The following DENND1B variants were observed in gnomAD, a reference collection of about 807,000 sequenced individuals.
The protein encoded by DENND1B is DENN domain-containing protein 1B.
In DENND1B, 59 loss-of-function variants were observed where a neutral mutation model predicts 90.1. The observed-to-expected ratio is 0.65, with a 90% confidence interval of 0.53 to 0.81. The LOEUF (loss-of-function observed/expected upper bound fraction) is 0.81, where lower values mean the gene tolerates loss of function less well. Among genes scored for constraint, DENND1B ranks in the 40% least tolerant of loss-of-function variants. DENND1B has a pLI of 0.00. For missense variants in DENND1B, 862 were observed against 912.6 expected, an observed-to-expected ratio of 0.94 and a Z score of 0.71; for synonymous variants, 337 against 324.6, an observed-to-expected ratio of 1.04 and a Z score of -0.41.
intron 20 of DENND1B, among the ~76,000 whole-genome samples, chr1:197,528,585 G>A (rs1410291979): frequency 2.0e-5 from 3 of 152,162 alleles, no homozygotes; most frequent in Admixed American, 2.0e-4. Context: ...TTATGGCCGG[G>A]CGCGGTGACT....
chr1:197,776,225 C>T (rs1657261612), upstream of DENND1B, among the ~76,000 whole-genome samples: 1 of 152,226 alleles, frequency 6.6e-6, no homozygotes, highest in Non-Finnish European at 1.5e-5. Flanking sequence ...TGTGCACTCT[C>T]ACCCAGTACT....
chr1:197,519,726 GGTTA>G (rs1252475034), intron 20 of DENND1B, among the ~76,000 whole-genome samples: 2 of 151,896 alleles, frequency 1.3e-5, no homozygotes, highest in Admixed American at 6.6e-5. Context: ...AAAGTTAGTA[GGTTA>G]GTTAGATGAT....
intron 10 of DENND1B, among the ~76,000 whole-genome samples, chr1:197,626,594 C>A (rs555224695): frequency 5.1e-4 from 77 of 152,154 alleles, no homozygotes; most frequent in African/African-American, 1.6e-3. Flanking sequence ...AAAATTGACA[C>A]CCTAACATCA....
In DENND1B at chr1:197,547,449, A is replaced by G. The variant is rs534356459; in HGVS notation, c.1241-676T>C. On this transcript the variant is annotated intron_variant, in intron 16 of 22. Transcript: ENST00000620048. Reference sequence around the variant, plus strand: ...ATTTCTTTCTAGCTGTTATCTTTGCATCCCTAATCAACATCAGGCAAGAAG... The same window carrying G: ...ATTTCTTTCTAGCTGTTATCTTTGCGTCCCTAATCAACATCAGGCAAGAAG... 4.4e-4 allele frequency among the ~76,000 whole-genome samples: 67 copies of G among 152,310 alleles called. 2 individuals are homozygous for G. Among genetic ancestry groups the G allele is most frequent in the Admixed American group, 4.3e-3 (66 of 15,296 alleles).
intron 15 of DENND1B, among the ~76,000 whole-genome samples, chr1:197,579,662 A>G (rs1674019664): frequency 6.6e-6 from 1 of 152,156 alleles, no homozygotes; most frequent in South Asian, 2.1e-4. Context: ...ATTTAAGGAC[A>G]TTCTTAGTCT....
Position 197,772,964 on chromosome 1 carries a change from T to A in DENND1B, c.18-32A>T, listed in dbSNP as rs1656808298. On this transcript the variant is annotated intron_variant, in intron 1 of 22. Transcript: ENST00000620048. ...GGAAAAAGTTTAAATTAATTTCCTA[T>A]GACAAATAAACATCTCCATGAAACT... 2.0e-6 allele frequency: 3 copies of A among 1,514,880 alleles called. No homozygotes were observed. The African/African-American group carries it at 4.2e-5, about 21-fold the overall frequency. 93.8% of individuals were successfully genotyped at this position (1,514,880 alleles called of 1,614,324 possible).
intron 15 of DENND1B, among the ~76,000 whole-genome samples, chr1:197,578,299 C>T (rs1409288199): frequency 6.6e-6 from 1 of 151,988 alleles, no homozygotes; most frequent in Non-Finnish European, 1.5e-5. Context: ...GGCTGGAGTG[C>T]ACTGGCACAA....
chr1:197,641,508 C>T (rs1418744364), intron 10 of DENND1B, among the ~76,000 whole-genome samples: 1 of 152,054 alleles, frequency 6.6e-6, no homozygotes, highest in South Asian at 2.1e-4. Flanking sequence ...CTTTTAAATG[C>T]ATATATTTTT....
At chr1:197,543,442 A>T (rs1035424623) in intron 18 of DENND1B, among the ~76,000 whole-genome samples, 9 of 152,034 alleles carry the variant, frequency 5.9e-5, no homozygotes, top group African/African-American at 2.2e-4. Context: ...CTCTAAGCCT[A>T]AAAAAAACCC....
intron 14 of DENND1B, among the ~76,000 whole-genome samples, chr1:197,584,300 TAA>T (rs1264487834): frequency 6.6e-6 from 1 of 152,184 alleles, no homozygotes; most frequent in Non-Finnish European, 1.5e-5. Flanking sequence ...CACTTTCTGA[TAA>T]AGTTAATACA....
chr1:197,529,934 T>C (rs1415860399), intron 20 of DENND1B, among the ~76,000 whole-genome samples: 3 of 152,166 alleles, frequency 2.0e-5, no homozygotes, highest in African/African-American at 7.2e-5. Context: ...ATCCTTTCCC[T>C]GGAGTCCTGT....
intron 16 of DENND1B, 192 bp downstream of exon 16, chr1:197,552,830 C>G: frequency 7.5e-7 from 1 of 1,337,158 alleles, no homozygotes; most frequent in East Asian, 3.1e-5. Context: ...CAACTTAATG[C>G]CTTGAGTAAC....
chr1:197,615,952 C>T (rs1677609639), intron 11 of DENND1B, among the ~76,000 whole-genome samples: 2 of 150,868 alleles, frequency 1.3e-5, no homozygotes, highest in African/African-American at 4.8e-5. Context: ...AATTTTATGG[C>T]AGGGGTAGAA....
At chr1:197,705,858 A>C (rs1478693726) in intron 3 of DENND1B, among the ~76,000 whole-genome samples, 1 of 152,066 alleles carries the variant, frequency 6.6e-6, no homozygotes, top group Non-Finnish European at 1.5e-5. Context: ...GTTCTTTTAC[A>C]TACTTAAGAT....
At chr1:197,593,418 G>T (rs934778559) in intron 14 of DENND1B, among the ~76,000 whole-genome samples, 1 of 149,036 alleles carries the variant, frequency 6.7e-6, no homozygotes, top group African/African-American at 2.4e-5. Context: ...AGAAAAAAAT[G>T]TAGGCAACTA....
intron 15 of DENND1B, among the ~76,000 whole-genome samples, chr1:197,568,357 T>C (rs1357553020): frequency 1.3e-5 from 2 of 151,968 alleles, no homozygotes; most frequent in East Asian, 1.9e-4. Context: ...ACAAAATATA[T>C]AGAAAAATAT....
intron 13 of DENND1B, among the ~76,000 whole-genome samples, chr1:197,599,262 G>C (rs144056186): frequency 1.3e-5 from 2 of 151,898 alleles, no homozygotes; most frequent in Non-Finnish European, 2.9e-5. Context: ...TTTCTGAGAA[G>C]TAACAGATTT....
chr1:197,774,885 G>A (rs1657080104), intron 1 of DENND1B, among the ~76,000 whole-genome samples: 1 of 152,120 alleles, frequency 6.6e-6, no homozygotes, highest in Admixed American at 6.5e-5. Flanking sequence ...CGTCGACAAG[G>A]CGCTAGTGGC....
At chr1:197,707,764 C>T (rs1226959604) in intron 3 of DENND1B, among the ~76,000 whole-genome samples, 1 of 148,568 alleles carries the variant, frequency 6.7e-6, no homozygotes, top group African/African-American at 2.5e-5. Context: ...TCTACAGCTC[C>T]CAGCGTGAGC....
Sources: allele counts gnomAD v4.1 joint callset (sites outside exome capture counted in the v4.1 genomes callset), GRCh38; gene constraint gnomAD v4.1.1; transcripts MANE v1.5; gene names NCBI Gene and HGNC (gene_info 2026-07-23, HGNC 2026-07-21).